Variants in TSNARE1 observed in about 807,000 individuals in gnomAD.
The protein encoded by TSNARE1 is t-SNARE domain-containing protein 1.
In TSNARE1, 49 loss-of-function variants were observed where a neutral mutation model predicts 62.0. That is an observed-to-expected ratio of 0.79 (90% CI 0.63 to 1.00). The LOEUF (loss-of-function observed/expected upper bound fraction) is 1.00, where lower values mean the gene tolerates loss of function less well. TSNARE1 is among the 50% of genes least tolerant of loss of function. The probability of loss-of-function intolerance (pLI) is 0.00; values close to 1 mark genes in which losing one functional copy is unlikely to be tolerated. For missense variants in TSNARE1, 755 were observed against 700.1 expected, an observed-to-expected ratio of 1.08 and a Z score of -0.88; for synonymous variants, 328 against 294.4, an observed-to-expected ratio of 1.11 and a Z score of -1.17.
chr8:142,235,495 G>T (rs964812369), intron 12 of TSNARE1, among the ~76,000 whole-genome samples: 2 of 150,648 alleles, frequency 1.3e-5, no homozygotes, highest in Non-Finnish European at 2.9e-5. Flanking sequence ...CAGAACACAT[G>T]ACGTTTCAGA....
At chr8:142,362,805 T>C (rs1835260585) in intron 1 of TSNARE1, among the ~76,000 whole-genome samples, 1 of 152,200 alleles carries the variant, frequency 6.6e-6, no homozygotes, top group Non-Finnish European at 1.5e-5. Context: ...TAGCTGGATC[T>C]CTCTCTAGCC....
At chr8:142,394,476 A>G (rs529182614) in intron 1 of TSNARE1, among the ~76,000 whole-genome samples, 6 of 152,254 alleles carry the variant, frequency 3.9e-5, no homozygotes, top group Non-Finnish European at 7.4e-5. Flanking sequence ...AGGGACGATG[A>G]TGGCAGCAGG....
chr8:142,290,576 A>G (rs527528153), intron 10 of TSNARE1, among the ~76,000 whole-genome samples: 2 of 152,330 alleles, frequency 1.3e-5, no homozygotes, highest in African/African-American at 4.8e-5. Flanking sequence ...CTATCACACC[A>G]TCTCTTCTTA....
At position 142,277,808 on chromosome 8, in the gene TSNARE1, G is replaced by A. The variant is rs116289584; in HGVS notation, c.1364-2945C>T. On this transcript the variant is annotated intron_variant, in intron 11 of 13. Transcript: ENST00000524325. ...TCTCAGTCTAGGGCAGGGAACCACA[G>A]GGTGAGCAAACCTGAGTTCCTGCAG... 844 of 985,352 alleles carry A rather than the reference G, an allele frequency of 8.6e-4. 2 individuals carry two copies. In the African/African-American group the frequency reaches 0.013, roughly 15 times the overall value. The allele number at this position is 985,352 out of a possible 1,614,324, so 61.0% of individuals were successfully genotyped here. A position where few individuals can be genotyped will look rare whatever the true frequency, so the allele number is the denominator to read the frequency against.
chr8:142,381,525 G>A (rs1430564364), intron 1 of TSNARE1, among the ~76,000 whole-genome samples: 1 of 152,164 alleles, frequency 6.6e-6, no homozygotes, highest in African/African-American at 2.4e-5. Flanking sequence ...CAGGGACGGT[G>A]GCACAGGCAG....
At chr8:142,284,328 A>G (rs1822315921) in intron 11 of TSNARE1, 85 bp downstream of exon 11, 2 of 1,139,088 alleles carry the variant, frequency 1.8e-6, no homozygotes, top group Non-Finnish European at 2.6e-6. Flanking sequence ...CCCTTCACCC[A>G]CCCTTAGGTG....
At chr8:142,365,021 A>G (rs1020479790) in intron 1 of TSNARE1, among the ~76,000 whole-genome samples, 2 of 152,258 alleles carry the variant, frequency 1.3e-5, no homozygotes, top group Non-Finnish European at 2.9e-5. Flanking sequence ...ATAATTGCAA[A>G]GGATCTTCCC....
At chr8:142,350,146 AG>A (rs1833917599) in intron 2 of TSNARE1, among the ~76,000 whole-genome samples, 1 of 74,086 alleles carries the variant, frequency 1.3e-5, no homozygotes, top group African/African-American at 5.1e-5. Flanking sequence ...CAGGGCGGGC[AG>A]GGCTGGGATC....
At chr8:142,378,767 A>C (rs1052885114) in intron 1 of TSNARE1, among the ~76,000 whole-genome samples, 6 of 152,226 alleles carry the variant, frequency 3.9e-5, no homozygotes, top group Admixed American at 2.6e-4. Flanking sequence ...GGGAGCCAGT[A>C]AGCTACCGCC....
rs544998108 is a variant in TSNARE1, at chr8:142,298,356, C to T, written c.1290+2130G>A. ...GGAGAGGCCCTCACACAGAGGATCG[C>T]GGACGGGGCAGCCAGCCCCAGCCTC... On this transcript the variant is annotated intron_variant, in intron 10 of 13. Coordinates refer to ENST00000524325, the MANE Select transcript of TSNARE1 (RefSeq NM_145003.5). Among the ~76,000 whole-genome samples, 4 of 152,334 alleles carry T rather than the reference C, an allele frequency of 2.6e-5. No individual in the cohort carries two copies. The South Asian group carries it at 6.2e-4, about 24-fold the overall frequency.
At chr8:142,332,305 T>C (rs1407377351) in intron 4 of TSNARE1, among the ~76,000 whole-genome samples, 2 of 152,006 alleles carry the variant, frequency 1.3e-5, no homozygotes, top group South Asian at 2.1e-4. Context: ...CGCACAGAGA[T>C]GAAAGCCAGC....
intron 9 of TSNARE1, among the ~76,000 whole-genome samples, chr8:142,310,472 G>A (rs559194777): frequency 6.6e-6 from 1 of 152,274 alleles, no homozygotes; most frequent in South Asian, 2.1e-4. Flanking sequence ...CCTCCTCCGG[G>A]ACACGCTTCC....
rs1211571943 is a variant in TSNARE1 at position 142,343,771 on chromosome 8, A to AGAGGAGGAG, written c.745+186_745+194dup. ...TGGGGAGTGGGGGGAGGAGGGGAGA[A>AGAGGAGGAG]GAGGAGGAGGAGGAGGAGGAGGAGG... On this transcript the variant is annotated intron_variant, in intron 4 of 13. Coordinates refer to ENST00000524325, the MANE Select transcript of TSNARE1 (RefSeq NM_145003.5). Among the ~76,000 whole-genome samples, 11 of 56,984 alleles carry AGAGGAGGAG rather than the reference A, an allele frequency of 1.9e-4. 1 individual carries two copies. Among genetic ancestry groups the AGAGGAGGAG allele is most frequent in the African/African-American group, 9.6e-4 (5 of 5,184 alleles). The allele number at this position is 56,984 out of a possible 152,430, so 37.4% of individuals were successfully genotyped here. A position where few individuals can be genotyped will look rare whatever the true frequency, so the allele number is the denominator to read the frequency against.
chr8:142,272,869 C>G (rs1586930010), intron 12 of TSNARE1: 1 of 984,272 alleles, frequency 1.0e-6, no homozygotes, highest in Non-Finnish European at 1.2e-6. Flanking sequence ...ACAGATGCCT[C>G]AACCCTCCTG....
Position 142,343,989 on chromosome 8 carries a change from C to A in TSNARE1, c.722G>T (p.Gly241Val). Residue 241 changes from glycine to valine, a missense_variant, in exon 4 of 14, where the codon GGC (glycine) becomes GTC (valine). Coordinates refer to ENST00000524325, the MANE Select transcript of TSNARE1 (RefSeq NM_145003.5). ...TFSCQALPSE[G>V]FSLEPPRATQ... ...ACCTCTGGGCGGCTCCAGACTGAAG[C>A]CCTCGGAGGGCAGGGCCTGGCAAGA... The A allele has an allele frequency of 6.5e-7, 1 of 1,538,322 alleles. No homozygotes were observed. Among genetic ancestry groups the A allele is most frequent in the South Asian group, 1.3e-5 (1 of 78,812 alleles).
chr8:142,228,398 G>A (rs1446425030), intron 13 of TSNARE1, among the ~76,000 whole-genome samples: 2 of 152,168 alleles, frequency 1.3e-5, no homozygotes, highest in Non-Finnish European at 1.5e-5. Flanking sequence ...TGTGCCCTGG[G>A]GACAGCCATG....
At chr8:142,363,590 C>A (rs1047572386) in intron 1 of TSNARE1, among the ~76,000 whole-genome samples, 2 of 152,114 alleles carry the variant, frequency 1.3e-5, no homozygotes, top group African/African-American at 4.8e-5. Context: ...CTGAAGACGG[C>A]GTTCCCAGGG....
intron 4 of TSNARE1, among the ~76,000 whole-genome samples, chr8:142,334,724 G>A (rs906279317): frequency 2.0e-5 from 3 of 152,172 alleles, no homozygotes; most frequent in African/African-American, 7.2e-5. Context: ...ATTTCATGAG[G>A]AAGAAAAAAC....
intron 12 of TSNARE1, chr8:142,273,970 G>T (rs897863814): frequency 1.0e-6 from 1 of 984,986 alleles, no homozygotes; most frequent in Admixed American, 6.2e-5. Context: ...GCACCATCTC[G>T]TCTGCCAATA....
Sources: allele counts gnomAD v4.1 joint callset (sites outside exome capture counted in the v4.1 genomes callset), GRCh38; gene constraint gnomAD v4.1.1; transcripts MANE v1.5; gene names NCBI Gene and HGNC (gene_info 2026-07-23, HGNC 2026-07-21).